The following SGCD variants were observed in gnomAD, a reference collection of about 807,000 sequenced individuals.
SGCD encodes delta-sarcoglycan.
A neutral mutation model predicts 36.6 loss-of-function variants in SGCD; 18 were observed. The observed-to-expected ratio is 0.49, with a 90% CI of 0.34 to 0.73. The LOEUF (loss-of-function observed/expected upper bound fraction) is 0.73, where lower values mean the gene tolerates loss of function less well. Ranked by LOEUF, SGCD falls within the 30% of genes least tolerant of loss-of-function variation. SGCD has a pLI of 0.01. For synonymous variants in SGCD, 133 were observed against 130.6 expected, an observed-to-expected ratio of 1.02 and a Z score of -0.12; for missense variants, 387 against 346.7, an observed-to-expected ratio of 1.12 and a Z score of -0.92.
At chr5:156,072,909 C>A (rs1447470126) in intron 1 of SGCD, among the ~76,000 whole-genome samples, 1 of 152,146 alleles carries the variant, frequency 6.6e-6, no homozygotes, top group African/African-American at 2.4e-5. Context: ...ACCCTTTGTT[C>A]CAGTTGATCG....
At chr5:156,748,503 TAATAGGAA>T (rs1246942726) in intron 7 of SGCD, among the ~76,000 whole-genome samples, 2 of 152,044 alleles carry the variant, frequency 1.3e-5, no homozygotes, top group African/African-American at 2.4e-5. Flanking sequence ...AAAACTATAC[TAATAGGAA>T]AATAAATTTT....
intron 3 of SGCD, among the ~76,000 whole-genome samples, chr5:156,493,836 A>G (rs896848156): frequency 2.6e-5 from 4 of 152,034 alleles, no homozygotes; most frequent in Admixed American, 2.6e-4. Context: ...GTGAGTCCTA[A>G]TTTTATTCAC....
intron 3 of SGCD, among the ~76,000 whole-genome samples, chr5:156,394,789 G>C (rs1351014378): frequency 6.6e-6 from 1 of 152,136 alleles, no homozygotes; most frequent in Non-Finnish European, 1.5e-5. Flanking sequence ...TGCTTTTATG[G>C]ATGCGCCAAT....
intron 3 of SGCD, among the ~76,000 whole-genome samples, chr5:156,185,481 T>TG (rs1763720272): frequency 6.6e-6 from 1 of 152,140 alleles, no homozygotes; most frequent in Non-Finnish European, 1.5e-5. Context: ...CCCAAAGTGC[T>TG]GGGATTACAG....
intron 3 of SGCD, among the ~76,000 whole-genome samples, chr5:156,504,492 G>C (rs184517105): frequency 4.7e-5 from 7 of 150,230 alleles, no homozygotes; most frequent in African/African-American, 1.7e-4. Context: ...TCAACTGATT[G>C]TTTCAGTCAA....
intron 1 of SGCD, among the ~76,000 whole-genome samples, chr5:156,101,609 T>A (rs1761517842): frequency 6.6e-6 from 1 of 152,216 alleles, no homozygotes; most frequent in Non-Finnish European, 1.5e-5. Context: ...TTTGGAAGGC[T>A]ACTATTGTGC....
At chr5:156,068,650 G>A (rs1321822633) in intron 1 of SGCD, among the ~76,000 whole-genome samples, 4 of 151,680 alleles carry the variant, frequency 2.6e-5, no homozygotes, top group Admixed American at 2.0e-4. Flanking sequence ...TAATGGGATG[G>A]CTGGGTCAAA....
chr5:156,610,178 C>G lies in SGCD; in HGVS notation c.502+15127C>G, dbSNP rs1323348466. 2.0e-5 allele frequency among the ~76,000 whole-genome samples: 3 copies of G among 152,130 alleles called. No homozygotes were observed. The South Asian group carries it at 6.2e-4, about 32-fold the overall frequency. On this transcript the variant is annotated intron_variant, in intron 6 of 8. Transcript: ENST00000337851. ...TTTTTCCCCATCTTTGTAGTTTTATCTACCTTTGGTCTTTGATGATGGTGA... is the reference window on the plus strand; with the variant it reads ...TTTTTCCCCATCTTTGTAGTTTTATGTACCTTTGGTCTTTGATGATGGTGA...
chr5:155,751,063 T>C, the SGCD span, among the ~76,000 whole-genome samples: 9 of 152,184 alleles, frequency 5.9e-5, no homozygotes, highest in Non-Finnish European at 1.2e-4. Context: ...AAACAAAAAG[T>C]GATTCTTTGA....
At chr5:155,944,583 C>T (rs1046218780) in intron 1 of SGCD, among the ~76,000 whole-genome samples, 15 of 152,114 alleles carry the variant, frequency 9.9e-5, no homozygotes, top group African/African-American at 2.9e-4. Context: ...TTAGAATCAG[C>T]GCTGTTGTTA....
chr5:155,760,191 A>C, the SGCD span, among the ~76,000 whole-genome samples: 141 of 98,184 alleles, frequency 1.4e-3, no homozygotes, highest in African/African-American at 1.6e-3. Flanking sequence ...CTCCATCATC[A>C]TCTCCATCAT....
the SGCD span, among the ~76,000 whole-genome samples, chr5:155,818,511 G>C: frequency 6.6e-6 from 1 of 152,008 alleles, no homozygotes; most frequent in Admixed American, 6.6e-5. Context: ...TCTTGTTTTG[G>C]AAATGGAGAT....
intron 4 of SGCD, among the ~76,000 whole-genome samples, chr5:156,560,058 G>T (rs2113237606): frequency 6.6e-6 from 1 of 152,318 alleles, no homozygotes; most frequent in African/African-American, 2.4e-5. Context: ...AGTATGCATT[G>T]CCATGGTGAT....
chr5:156,764,950 A>C lies in SGCD; in HGVS notation c.*5560A>C, dbSNP rs1757561665. On this transcript the variant is annotated 3_prime_UTR_variant, in exon 9 of 9. Transcript: ENST00000337851. Reference sequence around the variant, plus strand: ...ATCGAGAAGCATGTTTACTGTCTAAATCCACCTGTTGCAGTAGGAAGCCAG... The same window carrying C: ...ATCGAGAAGCATGTTTACTGTCTAACTCCACCTGTTGCAGTAGGAAGCCAG... 6.6e-6 allele frequency: 1 copy of C among 152,186 alleles called. No homozygotes were observed. 9.4% of individuals were successfully genotyped at this position (152,186 alleles called of 1,614,324 possible). A position where few individuals can be genotyped will look rare whatever the true frequency, so the allele number is the denominator to read the frequency against.
At chr5:156,257,618 C>G (rs1182618945) in intron 3 of SGCD, among the ~76,000 whole-genome samples, 1 of 152,092 alleles carries the variant, frequency 6.6e-6, no homozygotes, top group Non-Finnish European at 1.5e-5. Flanking sequence ...AATCCCAGCA[C>G]TTTGGGAGGC....
chr5:155,948,778 T>G (rs1757496219), intron 1 of SGCD, among the ~76,000 whole-genome samples: 1 of 152,192 alleles, frequency 6.6e-6, no homozygotes, highest in Non-Finnish European at 1.5e-5. Flanking sequence ...TTTTTGTTTA[T>G]CAGTTACCCA....
the SGCD span, among the ~76,000 whole-genome samples, chr5:155,776,181 T>C: frequency 6.6e-6 from 1 of 152,150 alleles, no homozygotes; most frequent in South Asian, 2.1e-4. Context: ...TTATTTTTCT[T>C]AATGATAGAG....
At chr5:156,047,702 A>G (rs1450844691) in intron 1 of SGCD, among the ~76,000 whole-genome samples, 1 of 152,174 alleles carries the variant, frequency 6.6e-6, no homozygotes, top group Non-Finnish European at 1.5e-5. Flanking sequence ...ACCTGGCCAT[A>G]CAAGAGCTCT....
the SGCD span, among the ~76,000 whole-genome samples, chr5:155,769,350 T>C: frequency 6.7e-6 from 1 of 150,226 alleles, no homozygotes; most frequent in African/African-American, 2.5e-5. Flanking sequence ...TCATGAATTT[T>C]AGATTATTTT....
Sources: allele counts gnomAD v4.1 joint callset (sites outside exome capture counted in the v4.1 genomes callset), GRCh38; gene constraint gnomAD v4.1.1; transcripts MANE v1.5; gene names NCBI Gene and HGNC (gene_info 2026-07-23, HGNC 2026-07-21).